ASTN2: variants seen among roughly 807,000 people sequenced by gnomAD.
The protein encoded by ASTN2 is astrotactin-2.
A neutral mutation model predicts 139.8 loss-of-function variants in ASTN2; 54 were observed. The ratio of observed to expected loss-of-function variants is 0.39; its 90% CI spans 0.31 to 0.48. ASTN2 has a LOEUF of 0.48. Among genes scored for constraint, ASTN2 ranks in the 20% least tolerant of loss-of-function variants. The pLI is 0.95. For synonymous variants in ASTN2, 756 were observed against 719.5 expected (o/e 1.05, Z -0.81); for missense variants, 1,565 against 1,725.1 (o/e 0.91, Z 1.64).
chr9:116,573,034 CAT>C (rs768415786), intron 19 of ASTN2, among the ~76,000 whole-genome samples: 1 of 148,216 alleles, frequency 6.7e-6, no homozygotes, highest in East Asian at 1.9e-4. Context: ...CACACACACA[CAT>C]ATATACACAC....
intron 5 of ASTN2, among the ~76,000 whole-genome samples, chr9:117,067,134 T>C (rs28885469): frequency 1.9e-5 from 1 of 54,008 alleles, no homozygotes; most frequent in Non-Finnish European, 3.8e-5. Context: ...GTTTTTATGG[T>C]TTTAGGTCTA....
intron 13 of ASTN2, among the ~76,000 whole-genome samples, chr9:116,736,114 T>A (rs1255777785): frequency 6.6e-6 from 1 of 152,190 alleles, no homozygotes; most frequent in Non-Finnish European, 1.5e-5. Flanking sequence ...TCCCAGGTGG[T>A]TTGGCCCCAG....
intron 22 of ASTN2, among the ~76,000 whole-genome samples, chr9:116,434,562 C>A (rs1319008042): frequency 6.6e-6 from 1 of 152,200 alleles, no homozygotes; most frequent in Non-Finnish European, 1.5e-5. Flanking sequence ...CATAAATACA[C>A]CATTCCTGGT....
At chr9:117,292,707 C>A (rs1383404944) in intron 1 of ASTN2, among the ~76,000 whole-genome samples, 2 of 152,280 alleles carry the variant, frequency 1.3e-5, no homozygotes, top group Non-Finnish European at 2.9e-5. Context: ...TTCACACACA[C>A]ACACAAACAC....
intron 4 of ASTN2, among the ~76,000 whole-genome samples, chr9:117,106,977 T>C (rs774652928): frequency 1.1e-4 from 16 of 152,196 alleles, no homozygotes; most frequent in Non-Finnish European, 1.8e-4. Flanking sequence ...TATCTATACC[T>C]ACATATACCC....
intron 22 of ASTN2, among the ~76,000 whole-genome samples, chr9:116,439,831 C>T (rs954916931): frequency 1.3e-5 from 2 of 152,184 alleles, no homozygotes; most frequent in Non-Finnish European, 2.9e-5. Context: ...TGTTCTTCTG[C>T]TATCATGACG....
At chr9:116,939,262 G>GTACTACTATACTA (rs1564350621) in intron 10 of ASTN2, among the ~76,000 whole-genome samples, 2 of 151,966 alleles carry the variant, frequency 1.3e-5, no homozygotes, top group Admixed American at 6.6e-5. Context: ...AGTAGTAGTA[G>GTACTACTATACTA]TAGCTATAGT....
At chr9:116,847,593 G>T (rs948012356) in intron 11 of ASTN2, among the ~76,000 whole-genome samples, 5 of 152,190 alleles carry the variant, frequency 3.3e-5, no homozygotes, top group African/African-American at 1.2e-4. Context: ...CTTATCATGT[G>T]CCAGGCACTG....
chr9:117,378,862 G>T (rs767702386), intron 1 of ASTN2, among the ~76,000 whole-genome samples: 1 of 152,180 alleles, frequency 6.6e-6, no homozygotes, highest in South Asian at 2.1e-4. Context: ...GGAAGTGATT[G>T]GATTCTGGGG....
chr9:116,975,918 G>A (rs577374833), intron 9 of ASTN2, among the ~76,000 whole-genome samples, 196 bp downstream of exon 9: 10 of 152,298 alleles, frequency 6.6e-5, no homozygotes, highest in African/African-American at 1.9e-4. Flanking sequence ...TATAAGTCTA[G>A]CTGCCAGACA....
At chr9:117,114,578 C>CT (rs914101408) in intron 4 of ASTN2, among the ~76,000 whole-genome samples, 2 of 146,806 alleles carry the variant, frequency 1.4e-5, no homozygotes, top group African/African-American at 4.9e-5. Context: ...AAGTTTGAGG[C>CT]TTTTTTGTTG....
chr9:116,703,664 C>T (rs558838870), intron 16 of ASTN2, among the ~76,000 whole-genome samples: 1 of 150,362 alleles, frequency 6.7e-6, no homozygotes, highest in South Asian at 2.1e-4. Context: ...CAGCATGGCA[C>T]ATGTATACGT....
chr9:116,573,015 A>ACG (rs1853585210), intron 19 of ASTN2, among the ~76,000 whole-genome samples: 4 of 136,234 alleles, frequency 2.9e-5, no homozygotes, highest in African/African-American at 1.4e-4. Context: ...GGGTACATGC[A>ACG]CACACACACA....
chr9:116,454,614 C>T (rs557792020), intron 20 of ASTN2, among the ~76,000 whole-genome samples: 3 of 152,208 alleles, frequency 2.0e-5, no homozygotes, highest in East Asian at 1.9e-4. Flanking sequence ...GCACTATTCA[C>T]GATAGCAAAG....
At chr9:116,749,128 C>A (rs1179510630) in intron 13 of ASTN2, among the ~76,000 whole-genome samples, 1 of 152,068 alleles carries the variant, frequency 6.6e-6, no homozygotes, top group Non-Finnish European at 1.5e-5. Flanking sequence ...ATCATCCTTG[C>A]CTCACATACT....
chr9:116,632,007 G>A (rs1365903356), intron 17 of ASTN2, among the ~76,000 whole-genome samples: 9 of 151,720 alleles, frequency 5.9e-5, no homozygotes, highest in Middle Eastern at 3.4e-3. Context: ...CCAGCTACTC[G>A]GGAGGCTGAG....
intron 5 of ASTN2, among the ~76,000 whole-genome samples, chr9:117,079,360 G>C (rs1490864603): frequency 1.3e-5 from 2 of 152,130 alleles, no homozygotes; most frequent in African/African-American, 2.4e-5. Context: ...TGTCGAGAGA[G>C]AGTGAGAGAG....
At chr9:117,139,600 G>T (rs1183487405) in intron 4 of ASTN2, among the ~76,000 whole-genome samples, 2 of 152,214 alleles carry the variant, frequency 1.3e-5, no homozygotes, top group African/African-American at 4.8e-5. Context: ...ACAAGATTAA[G>T]AATTAGACAT....
intron 10 of ASTN2, among the ~76,000 whole-genome samples, chr9:116,959,501 T>C (rs1185139390): frequency 6.6e-6 from 1 of 152,012 alleles, no homozygotes; most frequent in Non-Finnish European, 1.5e-5. Context: ...ATGAATCCAC[T>C]CCAGTGGCTC....
Sources: allele counts gnomAD v4.1 joint callset (sites outside exome capture counted in the v4.1 genomes callset), GRCh38; gene constraint gnomAD v4.1.1; transcripts MANE v1.5; gene names NCBI Gene and HGNC (gene_info 2026-07-23, HGNC 2026-07-21).